RABGEF1: variants seen among roughly 807,000 people sequenced by gnomAD.
RABGEF1 encodes the protein rab5 GDP/GTP exchange factor.
RABGEF1 carries 26 observed loss-of-function variants against 57.3 expected under a neutral mutation model. The observed-to-expected ratio is 0.45, with a 90% CI of 0.33 to 0.63. The LOEUF (loss-of-function observed/expected upper bound fraction) is 0.63, where lower values mean the gene tolerates loss of function less well. RABGEF1 is among the 20% of genes least tolerant of loss of function. RABGEF1 has a pLI of 0.02. For synonymous variants in RABGEF1, 185 were observed against 210.7 expected, an observed-to-expected ratio of 0.88 and a Z score of 1.06; for missense variants, 464 against 607.6, an observed-to-expected ratio of 0.76 and a Z score of 2.48.
At chr7:66,789,467 G>C (rs571525159) in intron 4 of RABGEF1, among the ~76,000 whole-genome samples, 21 of 152,216 alleles carry the variant, frequency 1.4e-4, no homozygotes, top group African/African-American at 4.8e-4. Context: ...CGGATCACAA[G>C]GTCAGGAGAT....
intron 1 of RABGEF1, among the ~76,000 whole-genome samples, chr7:66,750,513 T>C (rs1357064431): frequency 2.6e-5 from 4 of 152,336 alleles, no homozygotes; most frequent in South Asian, 2.1e-4. Context: ...AGAGCACTTA[T>C]AGGATGTAAG....
At chr7:66,731,207 C>T (rs1797273196) in intron 2 of RABGEF1, among the ~76,000 whole-genome samples, 2 of 152,074 alleles carry the variant, frequency 1.3e-5, no homozygotes, top group South Asian at 4.1e-4. Context: ...GGCCTGGCAA[C>T]AGGACTTGGC....
chr7:66,779,197 G>C (rs1327727306), intron 3 of RABGEF1, among the ~76,000 whole-genome samples: 1 of 151,960 alleles, frequency 6.6e-6, no homozygotes, highest in Non-Finnish European at 1.5e-5. Context: ...TAATCCGTGT[G>C]TTAATTTAGT....
the RABGEF1 span, among the ~76,000 whole-genome samples, chr7:66,664,922 TGGG>T: frequency 6.6e-6 from 1 of 152,174 alleles, no homozygotes; most frequent in Admixed American, 6.5e-5. Flanking sequence ...TGGTGACTCT[TGGG>T]GGAGCAGCTT....
chr7:66,720,296 C>T (rs1186794941), intron 2 of RABGEF1, among the ~76,000 whole-genome samples: 1 of 150,270 alleles, frequency 6.7e-6, no homozygotes, highest in African/African-American at 2.4e-5. Context: ...CTCCCAGGCT[C>T]AAGAAATTCT....
chr7:66,738,988 T>C (rs368910182), upstream of RABGEF1, among the ~76,000 whole-genome samples: 4 of 152,140 alleles, frequency 2.6e-5, no homozygotes, highest in East Asian at 3.9e-4. Flanking sequence ...GTTTCACTCG[T>C]TGCCCAAGCT....
intron 1 of RABGEF1, among the ~76,000 whole-genome samples, chr7:66,741,779 G>A (rs992440410): frequency 2.0e-5 from 3 of 152,044 alleles, no homozygotes; most frequent in African/African-American, 7.2e-5. Context: ...TGATCCTCCC[G>A]CCTCGGCCTC....
At chr7:66,723,350 T>A (rs1408704077) in intron 2 of RABGEF1, among the ~76,000 whole-genome samples, 1 of 152,170 alleles carries the variant, frequency 6.6e-6, no homozygotes, top group East Asian at 1.9e-4. Flanking sequence ...ATTAGCTATT[T>A]GTGTGTGCGA....
At chr7:66,700,499 T>TAGTTGGGGGGAGGGGGAGGA (rs1562710607) in intron 1 of RABGEF1, among the ~76,000 whole-genome samples, 5 of 62,660 alleles carry the variant, frequency 8.0e-5, no homozygotes, top group South Asian at 7.6e-4. Flanking sequence ...GAGGGGGAGG[T>TAGTTGGGGGGAGGGGGAGGA]AGGGGAGGGG....
At chr7:66,692,649 T>TG (rs1562700678) in intron 1 of RABGEF1, among the ~76,000 whole-genome samples, 1 of 152,174 alleles carries the variant, frequency 6.6e-6, no homozygotes, top group Non-Finnish European at 1.5e-5. Context: ...GTGGTGGGAC[T>TG]GGGGAGTCAG....
At chr7:66,733,139 G>C (rs1166680893) in intron 2 of RABGEF1, among the ~76,000 whole-genome samples, 1 of 152,142 alleles carries the variant, frequency 6.6e-6, no homozygotes, top group East Asian at 1.9e-4. Context: ...TGCCTTCCAG[G>C]TGAGGTGATT....
chr7:66,745,871 A>T (rs183204908), intron 1 of RABGEF1, among the ~76,000 whole-genome samples: 2 of 152,172 alleles, frequency 1.3e-5, no homozygotes, highest in Admixed American at 6.5e-5. Flanking sequence ...AAAGTGGGAG[A>T]ATCGCTTGAG....
intron 4 of RABGEF1, among the ~76,000 whole-genome samples, chr7:66,793,077 T>C (rs1813113462): frequency 6.6e-6 from 1 of 152,160 alleles, no homozygotes; most frequent in Non-Finnish European, 1.5e-5. Flanking sequence ...GAGGAGAATA[T>C]GATCCCTTGA....
chr7:66,715,203 C>G (rs1795240429), intron 2 of RABGEF1, among the ~76,000 whole-genome samples: 2 of 152,152 alleles, frequency 1.3e-5, no homozygotes, highest in Admixed American at 6.5e-5. Context: ...TCCTAGCTCA[C>G]TGCATCCTCA....
chr7:66,686,007 G>A (rs1562692022), intron 1 of RABGEF1, among the ~76,000 whole-genome samples: 3 of 152,092 alleles, frequency 2.0e-5, no homozygotes, highest in South Asian at 2.1e-4. Context: ...GGCCAGGTGC[G>A]GTGGCTCACG....
intron 8 of RABGEF1, among the ~76,000 whole-genome samples, 195 bp from the exon 9 acceptor site, chr7:66,808,690 TC>T: frequency 6.6e-6 from 1 of 152,262 alleles, no homozygotes; most frequent in South Asian, 2.1e-4. Context: ...GCCCTGGAGC[TC>T]CTGGGAGTGT....
chr7:66,722,728 G>A (rs2659897), intron 2 of RABGEF1, among the ~76,000 whole-genome samples: 57,751 of 152,014 alleles, frequency 0.38, 11,452 homozygotes, highest in Middle Eastern at 0.57. Flanking sequence ...TAAAGTCAAG[G>A]AGTGTGAGTC....
chr7:66,703,177 C>T (rs1188548416), intron 1 of RABGEF1, among the ~76,000 whole-genome samples: 3 of 152,180 alleles, frequency 2.0e-5, no homozygotes, highest in Non-Finnish European at 2.9e-5. Context: ...GGGGTTTCAC[C>T]GTGTTACAGA....
At chr7:66,783,070 G>C (rs1292436401) in intron 3 of RABGEF1, among the ~76,000 whole-genome samples, 2 of 152,154 alleles carry the variant, frequency 1.3e-5, no homozygotes, top group African/African-American at 2.4e-5. Context: ...TGTAGTGCAT[G>C]TTTCCCTTGT....
Sources: allele counts gnomAD v4.1 joint callset (sites outside exome capture counted in the v4.1 genomes callset), GRCh38; gene constraint gnomAD v4.1.1; transcripts MANE v1.5; gene names NCBI Gene and HGNC (gene_info 2026-07-23, HGNC 2026-07-21).